The following CDIP1 variants were observed in gnomAD, a reference collection of about 807,000 sequenced individuals.
CDIP1 encodes cell death inducing p53 target 1, also known as cell death-inducing p53-target protein 1.
In CDIP1, 9 loss-of-function variants were observed where a neutral mutation model predicts 17.7. The observed-to-expected ratio is 0.51, with a 90% CI of 0.31 to 0.89. The LOEUF is 0.89. Ranked by LOEUF, CDIP1 falls within the 40% of genes least tolerant of loss-of-function variation. CDIP1 has a pLI of 0.05. For missense variants in CDIP1, 263 were observed against 277.9 expected (o/e 0.95, Z 0.38); for synonymous variants, 117 against 109.5 (o/e 1.07, Z -0.43).
intron 1 of CDIP1, among the ~76,000 whole-genome samples, chr16:4,519,113 T>C (rs557604188): frequency 1.3e-5 from 2 of 152,330 alleles, no homozygotes; most frequent in Admixed American, 6.5e-5. Flanking sequence ...ACAAACTTAA[T>C]AGTAAGTCAC....
intron 1 of CDIP1, among the ~76,000 whole-genome samples, chr16:4,531,854 C>A (rs951425855): frequency 6.6e-6 from 1 of 152,240 alleles, no homozygotes; most frequent in African/African-American, 2.4e-5. Context: ...AGTTCCTTCA[C>A]ATGCGTTCCA....
intron 1 of CDIP1, chr16:4,536,383 C>G (rs1331371422): frequency 6.6e-6 from 1 of 152,162 alleles, no homozygotes; most frequent in African/African-American, 2.4e-5. Flanking sequence ...CACCCCAGTT[C>G]CCCTAGACCT....
intron 1 of CDIP1, among the ~76,000 whole-genome samples, chr16:4,526,513 C>T (rs531842230): frequency 3.9e-5 from 6 of 151,974 alleles, no homozygotes; most frequent in African/African-American, 1.2e-4. Flanking sequence ...TCCTGGCTAA[C>T]ATGGTGAAAA....
rs548214319 is a variant in CDIP1 at position 4,513,457 on chromosome 16, A to G, written c.241+239T>C. 6.6e-6 allele frequency among the ~76,000 whole-genome samples: 1 copy of G among 151,762 alleles called. No homozygotes were observed. The highest frequency in any genetic ancestry group is 2.4e-5 in the African/African-American group (1 of 41,372). On this transcript the variant is annotated intron_variant, in intron 4 of 5. Coordinates refer to ENST00000567695, the MANE Select transcript of CDIP1 (RefSeq NM_013399.3). The surrounding 1 kb of genome is among the most constrained non-coding windows in gnomAD (Gnocchi z 4.1). ...GCACACAAGGCGCCCCTCCCCACCCATGTCAGGTCCTGGTGTGCCAAGGAC... is the reference window on the plus strand; with the variant it reads ...GCACACAAGGCGCCCCTCCCCACCCGTGTCAGGTCCTGGTGTGCCAAGGAC...
chr16:4,532,500 G>A (rs2059066370), intron 1 of CDIP1: 1 of 152,334 alleles, frequency 6.6e-6, no homozygotes, highest in Admixed American at 6.5e-5. Context: ...GTTGGAGGAT[G>A]GGTGAGCCGG....
At chr16:4,519,388 C>G (rs1218242426) in intron 1 of CDIP1, among the ~76,000 whole-genome samples, 1 of 152,102 alleles carries the variant, frequency 6.6e-6, no homozygotes, top group African/African-American at 2.4e-5. Flanking sequence ...GTTGAGGGCT[C>G]AGTTCCATGA....
chr16:4,516,379 C>G (rs1461661683), intron 1 of CDIP1, among the ~76,000 whole-genome samples: 1 of 152,136 alleles, frequency 6.6e-6, no homozygotes, highest in African/African-American at 2.4e-5. Context: ...GAATTGTACA[C>G]TTTAAATGGG....
intron 1 of CDIP1, among the ~76,000 whole-genome samples, chr16:4,517,749 A>AAC (rs200707462): frequency 0.087 from 9,257 of 106,626 alleles, 459 homozygotes; most frequent in Admixed American, 0.19. Context: ...TCAAAAAACA[A>AAC]AAAAAAAAAA....
At chr16:4,523,627 T>A (rs908648995) in intron 1 of CDIP1, among the ~76,000 whole-genome samples, 11 of 152,158 alleles carry the variant, frequency 7.2e-5, no homozygotes, top group Non-Finnish European at 1.6e-4. Context: ...CAATTACATC[T>A]GTGACCAGTG....
At chr16:4,538,400 A>AC (rs1251382773) in intron 1 of CDIP1, 1 of 152,052 alleles carries the variant, frequency 6.6e-6, no homozygotes, top group Admixed American at 6.6e-5. Flanking sequence ...GCAGAACAAG[A>AC]CCCTCAGCCC....
Position 4,512,447 on chromosome 16 carries a change from G to T in CDIP1, c.*125C>A. On this transcript the variant is annotated 3_prime_UTR_variant, in exon 6 of 6. Coordinates refer to ENST00000567695, the MANE Select transcript of CDIP1 (RefSeq NM_013399.3). This position sits in a 1 kb window ranked among gnomAD's most constrained non-coding sequence, Gnocchi z 4.6. ...AGGTAGGGCAGGGTGAAGAGGACAG[G>T]ACTTCTAGGGGATGGTGGCACGGCT... 1.4e-6 allele frequency: 1 copy of T among 719,254 alleles called. No homozygotes were observed. Among genetic ancestry groups the T allele is most frequent in the Non-Finnish European group, 2.5e-6 (1 of 400,122 alleles). 44.6% of individuals were successfully genotyped at this position (719,254 alleles called of 1,614,324 possible).
chr16:4,530,663 A>AC (rs2059047152), intron 1 of CDIP1, among the ~76,000 whole-genome samples: 1 of 151,744 alleles, frequency 6.6e-6, no homozygotes. Context: ...AAAAAAAACA[A>AC]AAACAAAAAA....
intron 1 of CDIP1, among the ~76,000 whole-genome samples, chr16:4,520,719 C>G (rs1482129673): frequency 6.6e-6 from 1 of 152,164 alleles, no homozygotes; most frequent in Non-Finnish European, 1.5e-5. Context: ...TGAATTTCAT[C>G]ACTGGCAACA....
intron 1 of CDIP1, among the ~76,000 whole-genome samples, chr16:4,538,077 C>A (rs913993464): frequency 6.6e-6 from 1 of 152,290 alleles, no homozygotes; most frequent in Middle Eastern, 3.4e-3. Flanking sequence ...CAACTCCCAC[C>A]CCTCCCCTCC....
At chr16:4,532,228 G>T (rs531938627) in intron 1 of CDIP1, 1 of 152,216 alleles carries the variant, frequency 6.6e-6, no homozygotes, top group South Asian at 2.1e-4. Context: ...CAGGCATGGT[G>T]TATCATTTTA....
chr16:4,521,273 TA>T (rs2058944914), intron 1 of CDIP1, among the ~76,000 whole-genome samples: 1 of 151,824 alleles, frequency 6.6e-6, no homozygotes, highest in Non-Finnish European at 1.5e-5. Context: ...ATGGCCGTGT[TA>T]TTATTAAAAC....
intron 1 of CDIP1, among the ~76,000 whole-genome samples, chr16:4,519,846 A>C (rs1191292611): frequency 6.6e-6 from 1 of 151,528 alleles, no homozygotes; most frequent in Non-Finnish European, 1.5e-5. Flanking sequence ...CGTGCCTTCC[A>C]CCATGAATGG....
rs1477009694 is a variant in CDIP1, at chr16:4,514,414, C to T, written c.-15+161G>A. Among the ~76,000 whole-genome samples the T allele has an allele frequency of 6.6e-6, 1 of 152,166 alleles. No individual in the cohort carries two copies. The highest frequency in any genetic ancestry group is 1.9e-4 in the East Asian group (1 of 5,188). ...AGCAGGGCCCAGTGAGGTAAAGTCC[C>T]CCAAGGAGCCTAACTCAGCACTTGC... On this transcript the variant is annotated intron_variant, in intron 2 of 5. Coordinates refer to ENST00000567695, the MANE Select transcript of CDIP1 (RefSeq NM_013399.3). This position sits in a 1 kb window ranked among gnomAD's most constrained non-coding sequence, Gnocchi z 5.2.
chr16:4,518,558 A>C (rs2058912082), intron 1 of CDIP1, among the ~76,000 whole-genome samples: 1 of 152,072 alleles, frequency 6.6e-6, no homozygotes, highest in Admixed American at 6.6e-5. Context: ...TCACCCCTCC[A>C]TATCCACATG....
Sources: gnomAD v4.1 joint callset for allele counts (sites outside exome capture counted in the v4.1 genomes callset) on GRCh38, gnomAD v4.1.1 for gene constraint, Gnocchi (gnomAD v3.1) non-coding constraint, MANE v1.5 for transcripts, NCBI Gene and HGNC (gene_info 2026-07-23, HGNC 2026-07-21) for gene names.